The following EHBP1 variants were observed in gnomAD, a reference collection of about 807,000 sequenced individuals.
EHBP1 encodes EH domain binding protein 1.
EHBP1 carries 55 observed loss-of-function variants against 144.0 expected under a neutral mutation model. That is an observed-to-expected ratio of 0.38 (90% CI 0.31 to 0.48). The LOEUF is 0.48. EHBP1 is among the 20% of genes least tolerant of loss of function. The pLI is 0.98. For synonymous variants in EHBP1, 469 were observed against 472.7 expected (o/e 0.99, Z 0.10); for missense variants, 1,200 against 1,364.2 (o/e 0.88, Z 1.90).
chr2:62,716,501 G>A (rs1290393469), intron 2 of EHBP1, among the ~76,000 whole-genome samples: 1 of 152,158 alleles, frequency 6.6e-6, no homozygotes, highest in East Asian at 1.9e-4. Flanking sequence ...GGGCAGATTG[G>A]CTTTCCAAAT....
chr2:62,680,800 G>A (rs566684612), intron 1 of EHBP1, among the ~76,000 whole-genome samples: 22 of 152,238 alleles, frequency 1.4e-4, no homozygotes, highest in Non-Finnish European at 2.4e-4. Context: ...GTCAAGATTC[G>A]TGGGATATAA....
At chr2:62,761,972 G>T (rs934320186) in intron 3 of EHBP1, among the ~76,000 whole-genome samples, 1 of 151,808 alleles carries the variant, frequency 6.6e-6, no homozygotes, top group South Asian at 2.1e-4. Context: ...CTTTGTTCTC[G>T]TCACTTTACT....
At position 63,037,467 on chromosome 2, in the gene EHBP1, A is replaced by G; in HGVS notation, c.3104-68A>G. On this transcript the variant is annotated intron_variant, in intron 19 of 22. Transcript: ENST00000431489. Reference sequence around the variant, plus strand: ...AAATGTTTTCTATGTTTAAAAAATTATGTGCTAAACTACTATTTGGCTTGT... The same window carrying G: ...AAATGTTTTCTATGTTTAAAAAATTGTGTGCTAAACTACTATTTGGCTTGT... The G allele has an allele frequency of 7.0e-6, 7 of 994,386 alleles. No homozygotes were observed. In the South Asian group the frequency reaches 1.1e-4, roughly 15 times the overall value. 61.6% of individuals were successfully genotyped at this position (994,386 alleles called of 1,614,324 possible). A position where few individuals can be genotyped will look rare whatever the true frequency, so the allele number is the denominator to read the frequency against.
intron 1 of EHBP1, among the ~76,000 whole-genome samples, chr2:62,689,939 T>C (rs181481802): frequency 1.7e-4 from 26 of 152,368 alleles, no homozygotes; most frequent in African/African-American, 5.5e-4. Flanking sequence ...CAGGCTTTGT[T>C]AGTCTTTCAT....
At chr2:62,741,054 T>C (rs927837537) in intron 2 of EHBP1, among the ~76,000 whole-genome samples, 1 of 152,160 alleles carries the variant, frequency 6.6e-6, no homozygotes, top group Non-Finnish European at 1.5e-5. Context: ...AGAGAGGGTG[T>C]TCCAGGTCAA....
In EHBP1 at chr2:62,979,326, G is replaced by C. The variant is rs747490913; in HGVS notation, c.2599G>C (p.Ala867Pro). 6.2e-7 allele frequency: 1 copy of C among 1,613,474 alleles called. No homozygotes were observed. Among genetic ancestry groups the C allele is most frequent in the Non-Finnish European group, 8.5e-7 (1 of 1,179,626 alleles). Residue 867 changes from alanine to proline, a missense_variant, in exon 15 of 23, where the codon GCA (alanine) becomes CCA (proline). Coordinates refer to ENST00000431489, the MANE Select transcript of EHBP1 (RefSeq NM_001142616.3). ...AGAAAAGTTGAAAGAAAGGTCAAAG[G>C]CATCTGGAGGTGAGTTAAAGAATCT... The part of the protein sequence containing the change: ...AAEKLKERSK[A>P]SGEQNSKLVD...
At chr2:63,017,743 C>G (rs1420948507) in intron 19 of EHBP1, among the ~76,000 whole-genome samples, 1 of 152,208 alleles carries the variant, frequency 6.6e-6, no homozygotes, top group Non-Finnish European at 1.5e-5. Context: ...TTGTTCTCTT[C>G]TCACATTTCT....
In EHBP1 at chr2:62,822,253, T is replaced by A. The variant is rs144604390; in HGVS notation, c.313-3834T>A. Reference sequence around the variant, plus strand: ...ACATTTATTCACCTGTTGCTTGCATTGTTACTACTTGAATAGCAATGAGAG... The same window carrying A: ...ACATTTATTCACCTGTTGCTTGCATAGTTACTACTTGAATAGCAATGAGAG... On this transcript the variant is annotated intron_variant, in intron 5 of 22. Transcript: ENST00000431489. Among the ~76,000 whole-genome samples the A allele has an allele frequency of 3.2e-3, 481 of 152,322 alleles. 4 individuals carry two copies. The highest frequency in any genetic ancestry group is 0.011 in the African/African-American group (447 of 41,592).
intron 10 of EHBP1, among the ~76,000 whole-genome samples, chr2:62,914,248 A>G (rs745739098): frequency 2.6e-5 from 4 of 152,124 alleles, no homozygotes; most frequent in African/African-American, 9.7e-5. Context: ...ACTCATCCTC[A>G]TTCACTTGAA....
chr2:62,852,299 ATAC>A lies in EHBP1; in HGVS notation c.635-6867_635-6865del, dbSNP rs61655979. ...TATAGGAATATAGGACTAATAAATA[ATAC>A]TAAGATACATGATAAAATGTGGATA... On this transcript the variant is annotated intron_variant, in intron 7 of 22. Transcript: ENST00000431489. Among the ~76,000 whole-genome samples the A allele has an allele frequency of 8.8e-4, 134 of 152,286 alleles. 3 individuals carry two copies. In the East Asian group the frequency reaches 0.024, roughly 27 times the overall value.
At chr2:62,808,845 G>A (rs1320840465) in intron 5 of EHBP1, among the ~76,000 whole-genome samples, 2 of 152,148 alleles carry the variant, frequency 1.3e-5, no homozygotes, top group South Asian at 4.1e-4. Flanking sequence ...AACTTCGTAA[G>A]TGTTTCTCAA....
intron 14 of EHBP1, among the ~76,000 whole-genome samples, chr2:62,960,854 G>A (rs1400865748): frequency 6.6e-6 from 1 of 152,140 alleles, no homozygotes; most frequent in Admixed American, 6.6e-5. Flanking sequence ...TGCCACTTGG[G>A]TACTTAAGCT....
chr2:62,779,401 A>G (rs962718469), intron 5 of EHBP1, among the ~76,000 whole-genome samples: 17 of 152,138 alleles, frequency 1.1e-4, no homozygotes, highest in African/African-American at 4.1e-4. Context: ...AGTTCATTCA[A>G]CTTTGTGTGG....
rs1186523783 is a variant in EHBP1, at chr2:62,705,720, G to A, written c.-628G>A. 6.6e-6 allele frequency: 1 copy of A among 152,554 alleles called. No individual in the cohort carries two copies. Among genetic ancestry groups the A allele is most frequent in the Admixed American group, 6.6e-5 (1 of 15,256 alleles). The allele number at this position is 152,554 out of a possible 1,614,324, so 9.5% of individuals were successfully genotyped here. A position where few individuals can be genotyped will look rare whatever the true frequency, so the allele number is the denominator to read the frequency against. On this transcript the variant is annotated 5_prime_UTR_variant, in exon 1 of 23. Coordinates refer to ENST00000431489, the MANE Select transcript of EHBP1 (RefSeq NM_001142616.3). ...GCTGCCGTGGGTAGGGTTAGTGTGA[G>A]AGGTGCGGCGGGGGAGGTAATGATG...
Position 62,859,246 on chromosome 2 carries a change from C to A in EHBP1, c.712C>A (p.Pro238Thr). ...ATVNSNPFDD[P>T]DAAELNPFGD... is the part of the protein sequence containing the mutation. ...CGTGAATTCAAATCCATTTGATGAT[C>A]CTGATGCTGCAGAATTAAATCCATT... Residue 238 changes from proline (P) to threonine (T), a missense_variant, in exon 8 of 23, where the codon CCT becomes ACT. Pro to Thr is a conservative substitution (Grantham distance 38). Transcript: ENST00000431489. 1 of 1,610,980 alleles carries A rather than the reference C, an allele frequency of 6.2e-7. No individual in the cohort carries two copies.
Position 63,045,523 on chromosome 2 carries a change from T to C in EHBP1, c.*23T>C, listed in dbSNP as rs2153385228. ...TAGCCATCAGATCAGAAAGAATCTC[T>C]CCCAACATTTTAGAGTCTTGCTTCC... On this transcript the variant is annotated 3_prime_UTR_variant, in exon 23 of 23. Coordinates refer to ENST00000431489, the MANE Select transcript of EHBP1 (RefSeq NM_001142616.3). This position sits in a 1 kb window ranked among gnomAD's most constrained non-coding sequence, Gnocchi z 5.7. 6.3e-7 allele frequency: 1 copy of C among 1,577,210 alleles called. No homozygotes were observed. The highest frequency in any genetic ancestry group is 1.3e-5 in the African/African-American group (1 of 74,218).
At chr2:62,923,704 A>G (rs529844328) in intron 10 of EHBP1, among the ~76,000 whole-genome samples, 13 of 152,300 alleles carry the variant, frequency 8.5e-5, no homozygotes, top group African/African-American at 2.4e-4. Context: ...TGCAGTCCCC[A>G]TAACCCACCA....
At chr2:62,738,215 T>C (rs2038345923) in intron 2 of EHBP1, among the ~76,000 whole-genome samples, 2 of 152,184 alleles carry the variant, frequency 1.3e-5, no homozygotes, top group South Asian at 4.1e-4. Context: ...CCTCCTATCA[T>C]ATCCTCCCTG....
At chr2:62,697,603 T>C (rs776996901) in intron 1 of EHBP1, among the ~76,000 whole-genome samples, 3 of 152,224 alleles carry the variant, frequency 2.0e-5, no homozygotes, top group Non-Finnish European at 4.4e-5. Context: ...AAATATGAGC[T>C]CCAGGAGGAC....
Sources: gnomAD v4.1 joint callset for allele counts (sites outside exome capture counted in the v4.1 genomes callset) on GRCh38, gnomAD v4.1.1 for gene constraint, Gnocchi (gnomAD v3.1) non-coding constraint, MANE v1.5 for transcripts, NCBI Gene and HGNC (gene_info 2026-07-23, HGNC 2026-07-21) for gene names.